Variants in NSD2 observed in about 807,000 individuals in gnomAD.
NSD2 encodes nuclear receptor binding SET domain protein 2.
A neutral mutation model predicts 139.0 loss-of-function variants in NSD2; 12 were observed. The ratio of observed to expected loss-of-function variants is 0.09; its 90% CI spans 0.06 to 0.14. The LOEUF (loss-of-function observed/expected upper bound fraction) is 0.14, where lower values mean the gene tolerates loss of function less well. NSD2 is among the 10% of genes least tolerant of loss of function. The pLI is 1.00. For missense variants in NSD2, 1,155 were observed against 1,745.0 expected (o/e 0.66, Z 6.02); for synonymous variants, 669 against 648.7 (o/e 1.03, Z -0.48).
intron 9 of NSD2, chr4:1,943,170 T>G: frequency 9.6e-7 from 1 of 1,042,426 alleles, no homozygotes; most frequent in Non-Finnish European, 1.2e-6. Context: ...TGTCCGCATT[T>G]TTGCATGGTA....
At chr4:1,887,218 C>T (rs1049682048) in intron 1 of NSD2, among the ~76,000 whole-genome samples, 1 of 152,144 alleles carries the variant, frequency 6.6e-6, no homozygotes. Context: ...TATGAGGCTG[C>T]TTGGGCTTCC....
At chr4:1,903,119 A>G (rs1345585322) in intron 2 of NSD2, among the ~76,000 whole-genome samples, 4 of 152,346 alleles carry the variant, frequency 2.6e-5, no homozygotes, top group African/African-American at 9.6e-5. Context: ...GTGGCAGCTC[A>G]TGCCAGGCTT....
chr4:1,970,718 G>T (rs1335395496), intron 18 of NSD2, among the ~76,000 whole-genome samples: 3 of 152,190 alleles, frequency 2.0e-5, no homozygotes, highest in Admixed American at 6.5e-5. Context: ...GGGCTCTAGG[G>T]GCGGTTGAGG....
chr4:1,948,224 A>T lies in NSD2; in HGVS notation c.1882-2848A>T. On this transcript the variant is annotated intron_variant, in intron 9 of 21. Coordinates refer to ENST00000508803, the MANE Select transcript of NSD2 (RefSeq NM_001042424.3). This position sits in a 1 kb window ranked among gnomAD's most constrained non-coding sequence, Gnocchi z 4.5. ...GCAGCATGGCTGTGGTGGACGCGGG[A>T]AACAACGGGAAAGTTCTTGACAGAG... The T allele has an allele frequency of 9.4e-7, 1 of 1,064,528 alleles. No homozygotes were observed. The highest frequency in any genetic ancestry group is 5.0e-5 in the East Asian group (1 of 19,896). 65.9% of individuals were successfully genotyped at this position (1,064,528 alleles called of 1,614,324 possible). A position where few individuals can be genotyped will look rare whatever the true frequency, so the allele number is the denominator to read the frequency against.
In NSD2 at chr4:1,959,614, G is replaced by T. The variant is rs759107677; in HGVS notation, c.3129G>T (p.Pro1043=). 9 of 1,614,020 alleles carry T rather than the reference G, an allele frequency of 5.6e-6. No individual in the cohort carries two copies. The highest frequency in any genetic ancestry group is 6.8e-6 in the Non-Finnish European group (8 of 1,180,048). Residue 1043 remains proline, a synonymous_variant, in exon 17 of 22, where the codon CCG becomes CCT. Coordinates refer to ENST00000508803, the MANE Select transcript of NSD2 (RefSeq NM_001042424.3). ...LNRMLMFECH[P]QVCPAGEFCQ... is the part of the protein sequence containing the mutation. ...GGATGCTGATGTTTGAGTGCCACCC[G>T]CAGGTGTGTCCCGCGGGCGAGTTCT... is the stretch of plus-strand genomic sequence containing the variant.
rs1286656112 is a variant in NSD2 at position 1,978,992 on chromosome 4, C to A, written c.*83C>A. The A allele has an allele frequency of 2.1e-6, 3 of 1,423,630 alleles. No homozygotes were observed. The African/African-American group carries it at 4.3e-5, about 21-fold the overall frequency. 88.2% of individuals were successfully genotyped at this position (1,423,630 alleles called of 1,614,324 possible). A position where few individuals can be genotyped will look rare whatever the true frequency, so the allele number is the denominator to read the frequency against. On this transcript the variant is annotated 3_prime_UTR_variant, in exon 22 of 22. Coordinates refer to ENST00000508803, the MANE Select transcript of NSD2 (RefSeq NM_001042424.3). The stretch of plus-strand genomic sequence containing the variant: ...CGGGAGAGGGCGAGCATGAACTGGC[C>A]CGGAGGACCCAGCTCGAGCCGCCAG...
chr4:1,941,451 A>C, intron 9 of NSD2: 1 of 1,047,550 alleles, frequency 9.5e-7, no homozygotes, highest in South Asian at 4.6e-5. Flanking sequence ...AGCGGGGTCG[A>C]GGCCTGCCCA....
At chr4:1,903,591 G>A (rs1038018722) in intron 2 of NSD2, among the ~76,000 whole-genome samples, 10 of 152,032 alleles carry the variant, frequency 6.6e-5, no homozygotes, top group Non-Finnish European at 1.3e-4. Flanking sequence ...ATTCCTTTTC[G>A]ACCAGTTGAA....
At chr4:1,964,463 A>C (rs558009798) in intron 18 of NSD2, among the ~76,000 whole-genome samples, 10 of 152,292 alleles carry the variant, frequency 6.6e-5, no homozygotes, top group African/African-American at 2.2e-4. Context: ...AGCAGCGGCT[A>C]CCCATGCCCC....
intron 1 of NSD2, among the ~76,000 whole-genome samples, chr4:1,872,637 C>CGAGCGA (rs1375337847): frequency 5.6e-4 from 46 of 81,852 alleles, no homozygotes; most frequent in East Asian, 2.0e-3. Flanking sequence ...AGAGAGAGAG[C>CGAGCGA]GCGCAGACCC....
intron 11 of NSD2, chr4:1,952,903 G>A: frequency 7.2e-7 from 1 of 1,394,144 alleles, no homozygotes; most frequent in Non-Finnish European, 9.3e-7. Flanking sequence ...AGTCTCCCAG[G>A]CCATGGCAGC....
At chr4:1,918,758 T>TA in intron 5 of NSD2, 135 bp downstream of exon 5, 2 of 1,261,124 alleles carry the variant, frequency 1.6e-6, no homozygotes, top group Non-Finnish European at 2.1e-6. Context: ...ATCTAATAAA[T>TA]AAGTATTAGG....
chr4:1,894,245 C>G (rs1244002397), intron 1 of NSD2, among the ~76,000 whole-genome samples: 1 of 152,168 alleles, frequency 6.6e-6, no homozygotes. Flanking sequence ...GTGTGAGCCA[C>G]CACGCCTGGT....
chr4:1,892,140 T>G (rs1330944177), intron 1 of NSD2: 2 of 152,162 alleles, frequency 1.3e-5, no homozygotes, highest in Non-Finnish European at 2.9e-5. Context: ...TTTATTTTTA[T>G]TTCTTTATTT....
rs561104845 is a variant in NSD2, at chr4:1,974,297, G to T, written c.3373-566G>T. ...GCGATCTCCACTCTCTGTAACCTCCGCCTCCCGGGTTCAAGTGATTCTCCT... is the reference window on the plus strand; with the variant it reads ...GCGATCTCCACTCTCTGTAACCTCCTCCTCCCGGGTTCAAGTGATTCTCCT... On this transcript the variant is annotated intron_variant, in intron 18 of 21. Transcript: ENST00000508803. This position sits in a 1 kb window ranked among gnomAD's most constrained non-coding sequence, Gnocchi z 4.0. 1.3e-5 allele frequency among the ~76,000 whole-genome samples: 2 copies of T among 151,436 alleles called. No individual in the cohort carries two copies. Among genetic ancestry groups the T allele is most frequent in the Non-Finnish European group, 2.9e-5 (2 of 67,936 alleles).
At chr4:1,931,546 C>T (rs958143716) in intron 6 of NSD2, among the ~76,000 whole-genome samples, 33 of 152,184 alleles carry the variant, frequency 2.2e-4, no homozygotes, top group African/African-American at 7.7e-4. Flanking sequence ...TACTGTATAT[C>T]TGAAGAGTCA....
At position 1,941,471 on chromosome 4, in the gene NSD2, G is replaced by T. The variant is rs1367637600; in HGVS notation, c.1881+1693G>T. The T allele has an allele frequency of 2.9e-6, 3 of 1,047,478 alleles. No individual in the cohort carries two copies. The African/African-American group carries it at 5.0e-5, about 17-fold the overall frequency. 64.9% of individuals were successfully genotyped at this position (1,047,478 alleles called of 1,614,324 possible). ...GGTCGAGGCCTGCCCATGAGTCAGG[G>T]GAGCTCAGTCTCCCTGGCCTAGGCA... On this transcript the variant is annotated intron_variant, in intron 9 of 21. Coordinates refer to ENST00000508803, the MANE Select transcript of NSD2 (RefSeq NM_001042424.3).
chr4:1,981,198 C>T lies in NSD2; in HGVS notation c.*2289C>T, dbSNP rs1281021329. 8.6e-6 allele frequency: 2 copies of T among 233,192 alleles called. No homozygotes were observed. The highest frequency in any genetic ancestry group is 8.5e-6 in the Non-Finnish European group (1 of 118,034). The allele number at this position is 233,192 out of a possible 1,614,324, so 14.4% of individuals were successfully genotyped here. On this transcript the variant is annotated 3_prime_UTR_variant, in exon 22 of 22. Transcript: ENST00000508803. Reference sequence around the variant, plus strand: ...TGCAAACATTTTAAATATGTTTCTCCCCCTTTCCAAAAACTGTTAAACTAA... The same window carrying T: ...TGCAAACATTTTAAATATGTTTCTCTCCCTTTCCAAAAACTGTTAAACTAA...
At chr4:1,910,291 T>C (rs1718496342) in intron 3 of NSD2, among the ~76,000 whole-genome samples, 1 of 151,876 alleles carries the variant, frequency 6.6e-6, no homozygotes, top group Non-Finnish European at 1.5e-5. Flanking sequence ...AGTGTCACAA[T>C]CTCGGCTCAC....
Sources: gnomAD v4.1 joint callset for allele counts (sites outside exome capture counted in the v4.1 genomes callset) on GRCh38, gnomAD v4.1.1 for gene constraint, Gnocchi (gnomAD v3.1) non-coding constraint, MANE v1.5 for transcripts, NCBI Gene and HGNC (gene_info 2026-07-23, HGNC 2026-07-21) for gene names.